Variants in CHRM3 observed in about 807,000 individuals in gnomAD.
CHRM3 encodes the protein muscarinic acetylcholine receptor M3.
Under a neutral mutation model 41.8 loss-of-function variants are expected in CHRM3, and 11 were observed. The observed-to-expected ratio is 0.26, with a 90% CI of 0.17 to 0.44. The LOEUF is 0.44. Ranked by LOEUF, CHRM3 falls within the 20% of genes least tolerant of loss-of-function variation. The pLI is 1.00. For synonymous variants in CHRM3, 297 were observed against 301.4 expected, an observed-to-expected ratio of 0.99 and a Z score of 0.15; for missense variants, 571 against 745.4, an observed-to-expected ratio of 0.77 and a Z score of 2.72.
chr1:239,813,464 C>G (rs1024470586), intron 5 of CHRM3, among the ~76,000 whole-genome samples: 3 of 152,154 alleles, frequency 2.0e-5, no homozygotes, highest in African/African-American at 7.2e-5. Context: ...TCTAACACTT[C>G]TGTGACCAAA....
chr1:239,513,636 GT>G (rs1473031956), intron 2 of CHRM3, among the ~76,000 whole-genome samples: 1 of 152,094 alleles, frequency 6.6e-6, no homozygotes, highest in Non-Finnish European at 1.5e-5. Context: ...TTTTAATGAA[GT>G]TCAACTTGTC....
intron 6 of CHRM3, among the ~76,000 whole-genome samples, chr1:239,886,829 TCTGTGAACCACGTTTTG>T (rs1678112830): frequency 6.6e-6 from 1 of 152,216 alleles, no homozygotes; most frequent in Non-Finnish European, 1.5e-5. Flanking sequence ...ACCGGGTTTC[TCTGTGAACCACGTTTTG>T]CCAGATACTT....
intron 4 of CHRM3, among the ~76,000 whole-genome samples, chr1:239,665,722 C>T (rs1673724135): frequency 6.6e-6 from 1 of 152,068 alleles, no homozygotes; most frequent in South Asian, 2.1e-4. Flanking sequence ...TCCCTGTGTC[C>T]ACGTGTTCTC....
intron 5 of CHRM3, among the ~76,000 whole-genome samples, chr1:239,772,547 C>T (rs1205881942): frequency 6.6e-6 from 1 of 152,182 alleles, no homozygotes; most frequent in Non-Finnish European, 1.5e-5. Context: ...AGATCCGACC[C>T]TATTCTCTGC....
chr1:239,641,419 T>C (rs1433375230), intron 4 of CHRM3, among the ~76,000 whole-genome samples: 3 of 148,456 alleles, frequency 2.0e-5, no homozygotes, highest in Non-Finnish European at 4.5e-5. Flanking sequence ...TGTAGGTCAC[T>C]CAGGACTTGC....
At chr1:239,830,280 T>C (rs1274395048) in intron 6 of CHRM3, among the ~76,000 whole-genome samples, 4 of 152,310 alleles carry the variant, frequency 2.6e-5, no homozygotes, top group African/African-American at 9.6e-5. Context: ...TGCTAGAAAA[T>C]ATATTAATAT....
chr1:239,437,598 A>T lies in CHRM3; in HGVS notation c.-521+50371A>T, dbSNP rs191143257. On this transcript the variant is annotated intron_variant, in intron 1 of 6. Coordinates refer to ENST00000676153, the MANE Select transcript of CHRM3 (RefSeq NM_001375978.1). Reference sequence around the variant, plus strand: ...GTCACCCAGGCTGAAGTGCAATGGCACGATCTCGGCTCACTGCAATCTCTG... The same window carrying T: ...GTCACCCAGGCTGAAGTGCAATGGCTCGATCTCGGCTCACTGCAATCTCTG... Among the ~76,000 whole-genome samples, 138 of 152,206 alleles carry T rather than the reference A, an allele frequency of 9.1e-4. 3 individuals are homozygous for T. Among genetic ancestry groups the T allele is most frequent in the Admixed American group, 9.0e-3 (138 of 15,276 alleles).
At chr1:239,720,123 C>A (rs1462176177) in intron 5 of CHRM3, 1 of 151,906 alleles carries the variant, frequency 6.6e-6, no homozygotes, top group Non-Finnish European at 1.5e-5. Flanking sequence ...CGTGTTGTAT[C>A]TGTGTCTTTA....
chr1:239,764,920 C>T (rs183291377), intron 5 of CHRM3, among the ~76,000 whole-genome samples: 6 of 152,318 alleles, frequency 3.9e-5, no homozygotes, highest in Non-Finnish European at 7.4e-5. Context: ...AATTTAGTCA[C>T]GCAGTTGACT....
At chr1:239,786,091 C>T (rs1281597383) in intron 5 of CHRM3, among the ~76,000 whole-genome samples, 1 of 152,110 alleles carries the variant, frequency 6.6e-6, no homozygotes, top group African/African-American at 2.4e-5. Flanking sequence ...CTCAGCTTCA[C>T]TTTTAACCTA....
At chr1:239,496,451 TATA>T (rs1421856103) in intron 2 of CHRM3, among the ~76,000 whole-genome samples, 1 of 151,962 alleles carries the variant, frequency 6.6e-6, no homozygotes, top group Non-Finnish European at 1.5e-5. Flanking sequence ...CAATAACTGA[TATA>T]ATATCTATCA....
rs115631622 is a variant in CHRM3, at chr1:239,468,164, C to G, written c.-520-24545C>G. 2.9e-3 allele frequency among the ~76,000 whole-genome samples: 449 copies of G among 152,272 alleles called. 3 individuals are homozygous for G. The highest frequency in any genetic ancestry group is 0.011 in the African/African-American group (442 of 41,562). ...GCTGTTGTCCCAGGGTTCAAAACAT[C>G]CATTTTGGGTCAGTCATTGAGAAAT... On this transcript the variant is annotated intron_variant, in intron 1 of 6. Coordinates refer to ENST00000676153, the MANE Select transcript of CHRM3 (RefSeq NM_001375978.1).
intron 5 of CHRM3, among the ~76,000 whole-genome samples, chr1:239,692,388 T>C (rs762390586): frequency 4.1e-4 from 62 of 152,210 alleles, no homozygotes; most frequent in Non-Finnish European, 7.2e-4. Flanking sequence ...GTTATTTTTT[T>C]AAATGAACTC....
intron 3 of CHRM3, among the ~76,000 whole-genome samples, chr1:239,606,521 G>T (rs571225407): frequency 8.5e-5 from 13 of 152,198 alleles, no homozygotes; most frequent in Middle Eastern, 3.4e-3. Flanking sequence ...GGATCTGCCC[G>T]CCTTGGCCTC....
chr1:239,729,082 G>A (rs1663716610), intron 5 of CHRM3, among the ~76,000 whole-genome samples: 2 of 151,936 alleles, frequency 1.3e-5, no homozygotes, highest in Admixed American at 6.6e-5. Flanking sequence ...TGTAAAAGCA[G>A]TTGTAAGTAA....
At chr1:239,840,135 C>A (rs1673670705) in intron 6 of CHRM3, among the ~76,000 whole-genome samples, 2 of 152,198 alleles carry the variant, frequency 1.3e-5, no homozygotes, top group Non-Finnish European at 1.5e-5. Context: ...CTGCATTTAT[C>A]AATTTTGGAT....
chr1:239,571,653 G>A (rs1661839906), intron 3 of CHRM3, among the ~76,000 whole-genome samples: 1 of 152,022 alleles, frequency 6.6e-6, no homozygotes, highest in Non-Finnish European at 1.5e-5. Context: ...CACTGCATTG[G>A]TCCATCTTTT....
At chr1:239,638,904 A>G (rs1389023283) in intron 4 of CHRM3, among the ~76,000 whole-genome samples, 2 of 152,130 alleles carry the variant, frequency 1.3e-5, no homozygotes, top group Non-Finnish European at 2.9e-5. Flanking sequence ...TAGGTCTAAC[A>G]TTTAAGTCTT....
At chr1:239,732,781 A>G (rs1312957866) in intron 5 of CHRM3, among the ~76,000 whole-genome samples, 1 of 94,716 alleles carries the variant, frequency 1.1e-5, no homozygotes, top group Non-Finnish European at 2.2e-5. Flanking sequence ...AGATAAGTAT[A>G]CCTAATATCT....
Sources: allele counts gnomAD v4.1 joint callset (sites outside exome capture counted in the v4.1 genomes callset), GRCh38; gene constraint gnomAD v4.1.1; transcripts MANE v1.5; gene names NCBI Gene and HGNC (gene_info 2026-07-23, HGNC 2026-07-21).